Variants in ASCC3 observed in about 807,000 individuals in gnomAD.
ASCC3 encodes the protein activating signal cointegrator 1 complex subunit 3, also known as ASC-1 complex subunit P200.
Under a neutral mutation model 256.3 loss-of-function variants are expected in ASCC3, and 158 were observed. The observed-to-expected ratio is 0.62, with a 90% CI of 0.54 to 0.70. The LOEUF is 0.70. ASCC3 is among the 30% of genes least tolerant of loss of function. The pLI is 0.00. For synonymous variants in ASCC3, 948 were observed against 883.4 expected, an observed-to-expected ratio of 1.07 and a Z score of -1.30; for missense variants, 2,259 against 2,626.0, an observed-to-expected ratio of 0.86 and a Z score of 3.05.
chr6:100,652,759 G>C lies in ASCC3; in HGVS notation c.2954C>G (p.Ala985Gly). The C allele has an allele frequency of 6.2e-7, 1 of 1,613,730 alleles. No individual in the cohort carries two copies. The highest frequency in any genetic ancestry group is 8.5e-7 in the Non-Finnish European group (1 of 1,179,858). Reference sequence around the variant, plus strand: ...GTTGTATTTAATATAGTAATGGCTGGCAGTTCTACCCAAATCAGTTGAGGA... The same window carrying C: ...GTTGTATTTAATATAGTAATGGCTGCCAGTTCTACCCAAATCAGTTGAGGA... ...YFSSTDLGRT[A>G]SHYYIKYNTI... is the part of the protein sequence containing the mutation. Residue 985 changes from alanine (A) to glycine (G), a missense_variant, in exon 18 of 42, where the codon GCC (alanine) becomes GGC (glycine). Around this residue, in one of 2 missense-constraint regions of ASCC3, gnomAD observed 1,839 missense variants for 2,206.7 expected, o/e 0.83. Coordinates refer to ENST00000369162, the MANE Select transcript of ASCC3 (RefSeq NM_006828.4).
At chr6:100,600,365 T>C (rs1562153563) in intron 34 of ASCC3, among the ~76,000 whole-genome samples, 1 of 152,116 alleles carries the variant, frequency 6.6e-6, no homozygotes, top group Non-Finnish European at 1.5e-5. Context: ...AACAAGAAGA[T>C]TGGGCTAGAA....
At chr6:100,809,145 C>G (rs1201785552) in intron 4 of ASCC3, among the ~76,000 whole-genome samples, 2 of 151,596 alleles carry the variant, frequency 1.3e-5, no homozygotes, top group African/African-American at 4.8e-5. Flanking sequence ...AAACACTATT[C>G]ACTTTGGCTA....
Position 100,590,380 on chromosome 6 carries a change from C to T in ASCC3, c.5304-321G>A, listed in dbSNP as rs17060762. On this transcript the variant is annotated intron_variant, in intron 34 of 41. Transcript: ENST00000369162. Reference sequence around the variant, plus strand: ...ACATAAGTCCAGCTCTGTATATTTTCCAAGCAAAAAGCCTAAAGACATACA... The same window carrying T: ...ACATAAGTCCAGCTCTGTATATTTTTCAAGCAAAAAGCCTAAAGACATACA... Among the ~76,000 whole-genome samples the T allele has an allele frequency of 0.012, 1,862 of 152,064 alleles. 84 individuals carry two copies. In the East Asian group the frequency reaches 0.14, roughly 12 times the overall value.
chr6:100,511,407 A>G (rs1363418019), intron 40 of ASCC3, among the ~76,000 whole-genome samples: 3 of 152,120 alleles, frequency 2.0e-5, no homozygotes, highest in Admixed American at 2.0e-4. Flanking sequence ...AACATAAGTG[A>G]AATTCCATCT....
chr6:100,718,405 A>G (rs1779181049), intron 11 of ASCC3, among the ~76,000 whole-genome samples, 154 bp from the exon 12 acceptor site: 1 of 152,138 alleles, frequency 6.6e-6, no homozygotes, highest in African/African-American at 2.4e-5. Flanking sequence ...ATTGTAGCCC[A>G]TAATTCACAA....
intron 37 of ASCC3, among the ~76,000 whole-genome samples, chr6:100,525,420 G>A (rs1194251241): frequency 6.6e-6 from 1 of 151,852 alleles, no homozygotes; most frequent in Non-Finnish European, 1.5e-5. Context: ...AAACAGGAAA[G>A]TTTGAGAAAC....
At chr6:100,793,218 G>T (rs1477392610) in intron 8 of ASCC3, among the ~76,000 whole-genome samples, 1 of 151,986 alleles carries the variant, frequency 6.6e-6, no homozygotes, top group Admixed American at 6.6e-5. Context: ...AAGTTATAAA[G>T]AAGTGTGACT....
At chr6:100,876,531 T>C (rs1326625732) in intron 1 of ASCC3, among the ~76,000 whole-genome samples, 1 of 152,176 alleles carries the variant, frequency 6.6e-6, no homozygotes, top group Non-Finnish European at 1.5e-5. Flanking sequence ...TGCTTAACTT[T>C]AGGCCTAGAT....
At chr6:100,790,713 C>A (rs1284892869) in intron 8 of ASCC3, among the ~76,000 whole-genome samples, 4 of 151,920 alleles carry the variant, frequency 2.6e-5, no homozygotes, top group Non-Finnish European at 4.4e-5. Context: ...AGTTTTTAAT[C>A]TTCTCCATTC....
At position 100,608,364 on chromosome 6, in the gene ASCC3, GTATACCTTATATA is replaced by G. The variant is rs1157208277; in HGVS notation, c.4786-1289_4786-1277del. Reference sequence around the variant, plus strand: ...TACCTTATATATATACCTTATATATGTATACCTTATATATATACCTTATATATGTATACCTTAT... The same window carrying G: ...TACCTTATATATATACCTTATATATGTATACCTTATATATGTATACCTTAT... On this transcript the variant is annotated intron_variant, in intron 30 of 41. Coordinates refer to ENST00000369162, the MANE Select transcript of ASCC3 (RefSeq NM_006828.4). Among the ~76,000 whole-genome samples the G allele has an allele frequency of 6.2e-4, 51 of 82,264 alleles. 3 individuals are homozygous for G. Among genetic ancestry groups the G allele is most frequent in the Non-Finnish European group, 9.4e-4 (44 of 46,920 alleles). The allele number at this position is 82,264 out of a possible 152,430, so 54.0% of individuals were successfully genotyped here.
chr6:100,545,204 G>C (rs1344036986), intron 36 of ASCC3, among the ~76,000 whole-genome samples: 1 of 152,018 alleles, frequency 6.6e-6, no homozygotes, highest in Non-Finnish European at 1.5e-5. Flanking sequence ...TTGAGACGGA[G>C]TCTTGCTCTG....
chr6:100,530,699 AC>A, intron 37 of ASCC3: 1 of 933,596 alleles, frequency 1.1e-6, no homozygotes, highest in Non-Finnish European at 1.8e-6. Flanking sequence ...AGGCCCAGAT[AC>A]CCAAGATGTA....
At chr6:100,593,526 T>C (rs1255012110) in intron 34 of ASCC3, among the ~76,000 whole-genome samples, 1 of 152,198 alleles carries the variant, frequency 6.6e-6, no homozygotes, top group East Asian at 1.9e-4. Flanking sequence ...AGAGGTTTTA[T>C]ATTAATGTAA....
intron 8 of ASCC3, among the ~76,000 whole-genome samples, chr6:100,777,649 C>A (rs1782254109): frequency 6.6e-6 from 1 of 151,946 alleles, no homozygotes; most frequent in Non-Finnish European, 1.5e-5. Context: ...AAGAACCAGG[C>A]CACGAAAAAA....
At chr6:100,568,841 A>C (rs1468791767) in intron 36 of ASCC3, among the ~76,000 whole-genome samples, 1 of 150,816 alleles carries the variant, frequency 6.6e-6, no homozygotes, top group Non-Finnish European at 1.5e-5. Context: ...GCAGTGGCGC[A>C]ATCTCAGCTC....
At chr6:100,683,452 C>T (rs533943520) in intron 13 of ASCC3, among the ~76,000 whole-genome samples, 4 of 152,078 alleles carry the variant, frequency 2.6e-5, no homozygotes, top group Admixed American at 6.5e-5. Flanking sequence ...TCCATCATGT[C>T]GTGTTAAGTA....
At chr6:100,513,151 AT>A (rs1289285105) in intron 39 of ASCC3, among the ~76,000 whole-genome samples, 1 of 152,206 alleles carries the variant, frequency 6.6e-6, no homozygotes, top group East Asian at 1.9e-4. Flanking sequence ...GGATATTGAC[AT>A]TAACATAATC....
intron 8 of ASCC3, 99 bp downstream of exon 8, chr6:100,798,614 G>T: frequency 6.4e-7 from 1 of 1,571,576 alleles, no homozygotes; most frequent in Non-Finnish European, 8.7e-7. Context: ...TACTGTATTT[G>T]CCAACTAATA....
intron 10 of ASCC3, among the ~76,000 whole-genome samples, chr6:100,747,987 A>G (rs1034528380): frequency 6.6e-6 from 1 of 152,056 alleles, no homozygotes. Context: ...TTTAGGAATG[A>G]ATAAATAGCT....
Sources: allele counts gnomAD v4.1 joint callset (sites outside exome capture counted in the v4.1 genomes callset), GRCh38; gene constraint gnomAD v4.1.1; regional missense constraint gnomAD v4.1.1; transcripts MANE v1.5; gene names NCBI Gene and HGNC (gene_info 2026-07-23, HGNC 2026-07-21).